The following MBD5 variants were observed in gnomAD, a reference collection of about 807,000 sequenced individuals.
MBD5 encodes methyl-CpG-binding domain protein 5.
In MBD5, 13 loss-of-function variants were observed where a neutral mutation model predicts 117.3. The ratio of observed to expected loss-of-function variants is 0.11; its 90% CI spans 0.07 to 0.18. The LOEUF is 0.18. Among genes scored for constraint, MBD5 ranks in the 10% least tolerant of loss-of-function variants. The probability of loss-of-function intolerance (pLI) is 1.00; values close to 1 mark genes in which losing one functional copy is unlikely to be tolerated. For synonymous variants in MBD5, 727 were observed against 766.4 expected (o/e 0.95, Z 0.85); for missense variants, 1,879 against 2,093.8 (o/e 0.90, Z 2.00).
At chr2:148,037,606 A>G (rs1234613786) in intron 1 of MBD5, among the ~76,000 whole-genome samples, 2 of 151,992 alleles carry the variant, frequency 1.3e-5, no homozygotes, top group African/African-American at 4.8e-5. Context: ...GAGAATAGTA[A>G]TATTTTCATA....
rs183474799 is a variant in MBD5, at chr2:148,255,632, A to G, written c.-680+22237A>G. Among the ~76,000 whole-genome samples, 26 of 152,280 alleles carry G rather than the reference A, an allele frequency of 1.7e-4. No individual in the cohort carries two copies. The East Asian group carries it at 4.3e-3, about 25-fold the overall frequency. Reference sequence around the variant, plus strand: ...AGGAGGTCATCCTTAGTGTGTATCTACAACTGAATGGGGGTGGCAGCCTGT... The same window carrying G: ...AGGAGGTCATCCTTAGTGTGTATCTGCAACTGAATGGGGGTGGCAGCCTGT... On this transcript the variant is annotated intron_variant, in intron 3 of 13. Coordinates refer to ENST00000642680, the MANE Select transcript of MBD5 (RefSeq NM_001378120.1).
Position 148,294,513 on chromosome 2 carries a change from T to TGTTTTTTTTTTTTTTTGTTTGTTTG in MBD5, c.-679-47701_-679-47700insGTTTTTTTTTTTTTTTGTTTGTTTG, listed in dbSNP as rs1559009576. Among the ~76,000 whole-genome samples the TGTTTTTTTTTTTTTTTGTTTGTTTG allele has an allele frequency of 5.0e-5, 7 of 139,948 alleles. No individual in the cohort carries two copies. The Admixed American group carries it at 5.0e-4, about 10-fold the overall frequency. The allele number at this position is 139,948 out of a possible 152,430, so 91.8% of individuals were successfully genotyped here. On this transcript the variant is annotated intron_variant, in intron 3 of 13. Transcript: ENST00000642680. ...TGCTGGGATTACAGTTTTTTTTTTT[T>TGTTTTTTTTTTTTTTTGTTTGTTTG]TTTTTTTTGAGATAGAGCTGGCTCC...
chr2:148,404,742 C>A (rs974898111), intron 4 of MBD5, among the ~76,000 whole-genome samples: 1 of 152,056 alleles, frequency 6.6e-6, no homozygotes, highest in African/African-American at 2.4e-5. Flanking sequence ...ATATATTTTC[C>A]CTGTTTTATT....
intron 1 of MBD5, among the ~76,000 whole-genome samples, chr2:148,053,423 A>G (rs115009322): frequency 0.032 from 4,818 of 152,202 alleles, 113 homozygotes; most frequent in Middle Eastern, 0.11. Context: ...ATAAATATCT[A>G]TGAACCTGTA....
intron 3 of MBD5, chr2:148,265,006 C>T (rs551536560): frequency 6.6e-6 from 1 of 152,060 alleles, no homozygotes; most frequent in South Asian, 2.1e-4. Flanking sequence ...GGAATGTGTT[C>T]AGACACTGGG....
chr2:148,142,464 A>T (rs1375858), intron 1 of MBD5, among the ~76,000 whole-genome samples: 3,941 of 152,282 alleles, frequency 0.026, 99 homozygotes, highest in African/African-American at 0.066. Flanking sequence ...AACAAATTTT[A>T]TTACATAGAA....
intron 3 of MBD5, among the ~76,000 whole-genome samples, chr2:148,294,501 G>GCTTTTTTTTTTTTGTT (rs1701589321): frequency 8.8e-6 from 1 of 113,216 alleles, no homozygotes; most frequent in Non-Finnish European, 1.8e-5. Context: ...TGGGATTACA[G>GCTTTTTTTTTTTTGTT]TTTTTTTTTT....
At chr2:148,157,626 C>A (rs559870167) in intron 1 of MBD5, among the ~76,000 whole-genome samples, 2 of 152,260 alleles carry the variant, frequency 1.3e-5, no homozygotes, top group East Asian at 3.9e-4. Flanking sequence ...GGGGGCAGTT[C>A]TGAAAAGAAG....
chr2:148,305,115 C>A (rs937700577), intron 3 of MBD5, among the ~76,000 whole-genome samples: 1 of 151,832 alleles, frequency 6.6e-6, no homozygotes, highest in Non-Finnish European at 1.5e-5. Context: ...GATCAGATAT[C>A]AAGGATGGGA....
intron 1 of MBD5, among the ~76,000 whole-genome samples, chr2:148,160,250 T>A (rs1328289520): frequency 6.6e-6 from 1 of 152,070 alleles, no homozygotes; most frequent in Non-Finnish European, 1.5e-5. Context: ...ATATAAAAAT[T>A]AGCCAGGCAT....
At chr2:148,336,349 T>A (rs1702787617) in intron 3 of MBD5, among the ~76,000 whole-genome samples, 1 of 152,184 alleles carries the variant, frequency 6.6e-6, no homozygotes. Context: ...AAACTAAGAT[T>A]CTACCCCTAT....
chr2:148,335,242 G>A (rs189387459), intron 3 of MBD5, among the ~76,000 whole-genome samples: 98 of 152,224 alleles, frequency 6.4e-4, no homozygotes, highest in African/African-American at 2.1e-3. Context: ...TTATCCAGGT[G>A]TGGTGGCACA....
rs1699935926 is a variant in MBD5 at position 148,229,772 on chromosome 2, G to A, written c.-830-3473G>A. Among the ~76,000 whole-genome samples, 4 of 152,150 alleles carry A rather than the reference G, an allele frequency of 2.6e-5. No homozygotes were observed. In the South Asian group the frequency reaches 8.3e-4, roughly 31 times the overall value. On this transcript the variant is annotated intron_variant, in intron 2 of 13. Transcript: ENST00000642680. Reference sequence around the variant, plus strand: ...TACAGACTCATAAAGGTACTGCCTTGATGGTCCTGGACAACATCCAGAAGG... The same window carrying A: ...TACAGACTCATAAAGGTACTGCCTTAATGGTCCTGGACAACATCCAGAAGG...
chr2:148,141,055 A>G (rs1471581435), intron 1 of MBD5, among the ~76,000 whole-genome samples: 1 of 152,150 alleles, frequency 6.6e-6, no homozygotes, highest in South Asian at 2.1e-4. Context: ...TACAGGTGTC[A>G]GGCACCGCGC....
chr2:148,208,969 G>C (rs930340723), intron 2 of MBD5, among the ~76,000 whole-genome samples: 1 of 151,926 alleles, frequency 6.6e-6, no homozygotes, highest in East Asian at 1.9e-4. Context: ...ATTAAACACC[G>C]TTATATGTGA....
intron 1 of MBD5, among the ~76,000 whole-genome samples, chr2:148,116,841 G>A (rs950288584): frequency 1.3e-5 from 2 of 152,028 alleles, no homozygotes; most frequent in African/African-American, 2.4e-5. Context: ...AGTATTGTTT[G>A]CTTTCTTGCC....
At chr2:148,283,197 T>A (rs901099750) in intron 3 of MBD5, among the ~76,000 whole-genome samples, 4 of 152,190 alleles carry the variant, frequency 2.6e-5, no homozygotes, top group African/African-American at 9.6e-5. Flanking sequence ...ACTAGTTATG[T>A]AGCTATGATT....
At chr2:148,174,556 G>A (rs376488294) in intron 1 of MBD5, among the ~76,000 whole-genome samples, 2 of 151,914 alleles carry the variant, frequency 1.3e-5, no homozygotes, top group South Asian at 2.1e-4. Context: ...ATTGAATAAG[G>A]GGTTAATATC....
At chr2:148,231,518 C>T (rs1699985435) in intron 2 of MBD5, among the ~76,000 whole-genome samples, 1 of 150,854 alleles carries the variant, frequency 6.6e-6, no homozygotes, top group African/African-American at 2.4e-5. Context: ...TGTGAGTGCT[C>T]ACCTGATTTT....
Sources: allele counts gnomAD v4.1 joint callset (sites outside exome capture counted in the v4.1 genomes callset), GRCh38; gene constraint gnomAD v4.1.1; transcripts MANE v1.5; gene names NCBI Gene and HGNC (gene_info 2026-07-23, HGNC 2026-07-21).